Variants in LVRN observed in about 807,000 individuals in gnomAD.
The protein encoded by LVRN is aminopeptidase Q.
In LVRN, 99 loss-of-function variants were observed where a neutral mutation model predicts 111.4. The observed-to-expected ratio is 0.89, with a 90% CI of 0.76 to 1.05. LVRN has a LOEUF of 1.05. LVRN is among the 50% of genes least tolerant of loss of function. The pLI is 0.00. For synonymous variants in LVRN, 488 were observed against 449.5 expected, an observed-to-expected ratio of 1.09 and a Z score of -1.08; for missense variants, 1,414 against 1,206.8, an observed-to-expected ratio of 1.17 and a Z score of -2.54.
At chr5:116,008,975 A>G (rs1748433081) in intron 13 of LVRN, among the ~76,000 whole-genome samples, 1 of 152,234 alleles carries the variant, frequency 6.6e-6, no homozygotes, top group East Asian at 1.9e-4. Context: ...TTATATTGGA[A>G]GAAGATGCCC....
rs1484566325 is a variant in LVRN, at chr5:115,962,998, C to T, written c.381C>T (p.Phe127=). The T allele has an allele frequency of 4.3e-6, 7 of 1,613,506 alleles. No individual in the cohort carries two copies. Among genetic ancestry groups the T allele is most frequent in the Admixed American group, 1.7e-5 (1 of 60,012 alleles). Residue 127 remains phenylalanine, a synonymous_variant, in exon 1 of 20, where the codon TTC becomes TTT. Coordinates refer to ENST00000357872, the MANE Select transcript of LVRN (RefSeq NM_173800.5). ...PDELPAGSLP[F]TGRVNITVRC... is the part of the protein sequence containing the mutation. Reference sequence around the variant, plus strand: ...AGCTTCCGGCCGGGTCTTTGCCCTTCACTGGCCGCGTGAACATCACGGTGC... The same window carrying T: ...AGCTTCCGGCCGGGTCTTTGCCCTTTACTGGCCGCGTGAACATCACGGTGC...
chr5:115,982,512 G>A (rs1753581524), intron 1 of LVRN, among the ~76,000 whole-genome samples: 2 of 152,072 alleles, frequency 1.3e-5, no homozygotes, highest in Non-Finnish European at 2.9e-5. Flanking sequence ...AGACTGCAGG[G>A]TTTTTTTGTT....
At chr5:116,021,653 G>T (rs1248626618) in intron 18 of LVRN, 3 of 415,266 alleles carry the variant, frequency 7.2e-6, no homozygotes, top group Middle Eastern at 6.2e-4. Flanking sequence ...ACTGTCTCTT[G>T]GTCAGTCCAT....
At chr5:116,011,212 G>C (rs373950036) in intron 14 of LVRN, among the ~76,000 whole-genome samples, 210 of 149,574 alleles carry the variant, frequency 1.4e-3, no homozygotes, top group African/African-American at 4.7e-3. Flanking sequence ...TTAGGGAAAA[G>C]GATAGTATTT....
intron 14 of LVRN, among the ~76,000 whole-genome samples, chr5:116,011,784 T>A (rs1008017057): frequency 2.6e-5 from 4 of 152,190 alleles, no homozygotes; most frequent in African/African-American, 9.6e-5. Flanking sequence ...GAAGTAAAAC[T>A]AATATTTGTT....
In LVRN at chr5:116,015,671, G is replaced by C. The variant is rs199760968; in HGVS notation, c.2662G>C (p.Glu888Gln). Reference sequence around the variant, plus strand: ...CAGCACATCTCCATTCACTTCTAATGAAACAAATATAATTGAGGTTGTGGC... The same window carrying C: ...CAGCACATCTCCATTCACTTCTAATCAAACAAATATAATTGAGGTTGTGGC... ...AISTSPFTSNETNIIEVVASS... is the reference protein window; with the variant it reads ...AISTSPFTSNQTNIIEVVASS... Residue 888 changes from glutamate (E) to glutamine (Q), a missense_variant, in exon 18 of 20, where the codon GAA becomes CAA. Glu to Gln is a conservative substitution (Grantham distance 29, BLOSUM62 2). Coordinates refer to ENST00000357872, the MANE Select transcript of LVRN (RefSeq NM_173800.5). 9.9e-6 allele frequency: 16 copies of C among 1,613,266 alleles called. No homozygotes were observed. Among genetic ancestry groups the C allele is most frequent in the Middle Eastern group, 1.6e-4 (1 of 6,084 alleles).
intron 2 of LVRN, among the ~76,000 whole-genome samples, chr5:115,983,885 C>T (rs558131691): frequency 2.0e-5 from 3 of 152,282 alleles, no homozygotes; most frequent in South Asian, 4.1e-4. Flanking sequence ...ACAGCTCTTA[C>T]GTGGCAGTGA....
At position 115,992,283 on chromosome 5, in the gene LVRN, T is replaced by C. The variant is rs1748014227; in HGVS notation, c.1260+6T>C. 1 of 1,613,116 alleles carries C rather than the reference T, an allele frequency of 6.2e-7. No homozygotes were observed. The highest frequency in any genetic ancestry group is 1.3e-5 in the African/African-American group (1 of 74,842). On this transcript the variant is annotated splice_donor_region_variant and intron_variant, in intron 5 of 19. Transcript: ENST00000357872. ...CCCACGAGATTGGACACCAGGCATGTGGTAAAATGTTCTTTTTATTTCACT... is the reference window on the plus strand; with the variant it reads ...CCCACGAGATTGGACACCAGGCATGCGGTAAAATGTTCTTTTTATTTCACT...
chr5:115,992,278 G>C lies in LVRN; in HGVS notation c.1260+1G>C. The C allele has an allele frequency of 6.2e-7, 1 of 1,613,476 alleles. No individual in the cohort carries two copies. Among genetic ancestry groups the C allele is most frequent in the Non-Finnish European group, 8.5e-7 (1 of 1,179,774 alleles). The stretch of plus-strand genomic sequence containing the variant: ...TGTCTCCCACGAGATTGGACACCAG[G>C]CATGTGGTAAAATGTTCTTTTTATT... On this transcript the variant is annotated splice_donor_variant, in intron 5 of 19. Coordinates refer to ENST00000357872, the MANE Select transcript of LVRN (RefSeq NM_173800.5). LOFTEE classifies it high-confidence loss of function.
intron 4 of LVRN, 93 bp from the exon 5 acceptor site, chr5:115,992,030 T>C: frequency 8.2e-7 from 1 of 1,218,776 alleles, no homozygotes; most frequent in Non-Finnish European, 1.1e-6. Context: ...CTTGAATTTT[T>C]TGGTAATTTT....
Position 115,987,948 on chromosome 5 carries a change from A to G in LVRN, c.1105+9A>G, listed in dbSNP as rs1284771605. On this transcript the variant is annotated intron_variant, in intron 4 of 19. Coordinates refer to ENST00000357872, the MANE Select transcript of LVRN (RefSeq NM_173800.5). ...CTCTCTTCCAAAAACAGGTGAGGTA[A>G]TCTTTTCCTTTCAGTGCATTTGGTT... is the stretch of plus-strand genomic sequence containing the variant. 6 of 1,606,930 alleles carry G rather than the reference A, an allele frequency of 3.7e-6. No homozygotes were observed. The African/African-American group carries it at 8.1e-5, about 22-fold the overall frequency.
chr5:115,995,165 C>T (rs1025415547), intron 6 of LVRN, among the ~76,000 whole-genome samples: 5 of 152,126 alleles, frequency 3.3e-5, no homozygotes, highest in African/African-American at 1.2e-4. Flanking sequence ...TGATATTCGT[C>T]CTATTATTTT....
rs1464029876 is a variant in LVRN at position 116,015,658 on chromosome 5, A to G, written c.2649A>G (p.Pro883=). ...TGGAGTATGCCATCAGCACATCTCC[A>G]TTCACTTCTAATGAAACAAATATAA... The part of the protein sequence containing the change: ...RYMEYAISTS[P]FTSNETNIIE... Residue 883 remains proline (P), a synonymous_variant, in exon 18 of 20, where the codon CCA becomes CCG. Transcript: ENST00000357872. 1.9e-6 allele frequency: 3 copies of G among 1,613,046 alleles called. No homozygotes were observed. Among genetic ancestry groups the G allele is most frequent in the East Asian group, 2.2e-5 (1 of 44,860 alleles).
chr5:116,005,403 A>T (rs935515613), intron 12 of LVRN, among the ~76,000 whole-genome samples: 1 of 152,246 alleles, frequency 6.6e-6, no homozygotes, highest in Non-Finnish European at 1.5e-5. Context: ...GGCCCCTGCC[A>T]TTCCATGGAT....
intron 6 of LVRN, among the ~76,000 whole-genome samples, chr5:115,999,062 C>T (rs1411740312): frequency 3.9e-5 from 6 of 152,094 alleles, no homozygotes; most frequent in Admixed American, 3.9e-4. Flanking sequence ...CTCCAGGCTG[C>T]GAACGTGTGC....
At chr5:115,979,499 C>G (rs905934895) in intron 1 of LVRN, among the ~76,000 whole-genome samples, 25 of 152,170 alleles carry the variant, frequency 1.6e-4, no homozygotes, top group African/African-American at 5.8e-4. Context: ...TTCTCTGACC[C>G]TTCTTCTGGG....
chr5:116,005,984 C>G lies in LVRN; in HGVS notation c.2093+17C>G. 2 of 1,574,378 alleles carry G rather than the reference C, an allele frequency of 1.3e-6. No individual in the cohort carries two copies. The highest frequency in any genetic ancestry group is 1.7e-6 in the Non-Finnish European group (2 of 1,145,120). ...CTTGTCTAAGTGAGTATATTTTCTT[C>G]TCTCATGGTTTCAGAATATACCTTG... On this transcript the variant is annotated intron_variant, in intron 13 of 19. Transcript: ENST00000357872.
intron 4 of LVRN, among the ~76,000 whole-genome samples, chr5:115,989,103 C>T (rs925357386): frequency 2.0e-5 from 3 of 152,122 alleles, no homozygotes; most frequent in Non-Finnish European, 4.4e-5. Flanking sequence ...CTCCACATTC[C>T]CTCCAAGCCA....
intron 14 of LVRN, 41 bp downstream of exon 14, chr5:116,010,935 CTCT>C (rs746608468): frequency 2.7e-6 from 4 of 1,455,732 alleles, no homozygotes; most frequent in Non-Finnish European, 2.7e-6. Context: ...AATAAATCCT[CTCT>C]TCTTCTTTTC....
Sources: gnomAD v4.1 joint callset for allele counts (sites outside exome capture counted in the v4.1 genomes callset) on GRCh38, gnomAD v4.1.1 for gene constraint, MANE v1.5 for transcripts, NCBI Gene and HGNC (gene_info 2026-07-23, HGNC 2026-07-21) for gene names.